Variants in DEGS2 observed in about 807,000 individuals in gnomAD.
DEGS2 encodes delta 4-desaturase, sphingolipid 2.
Under a neutral mutation model 23.8 loss-of-function variants are expected in DEGS2, and 19 were observed. That is an observed-to-expected ratio of 0.80 (90% CI 0.56 to 1.17). The LOEUF (loss-of-function observed/expected upper bound fraction) is 1.17. Among genes scored for constraint, DEGS2 ranks in the 50% most tolerant of loss-of-function variants. The pLI, the probability that DEGS2 is intolerant of heterozygous loss-of-function variation, is 0.00. For synonymous variants in DEGS2, 218 were observed against 213.7 expected, an observed-to-expected ratio of 1.02 and a Z score of -0.18; for missense variants, 390 against 459.5, an observed-to-expected ratio of 0.85 and a Z score of 1.38.
At chr14:100,150,927 T>C (rs1414172896) in intron 1 of DEGS2, among the ~76,000 whole-genome samples, 3 of 152,172 alleles carry the variant, frequency 2.0e-5, no homozygotes, top group Non-Finnish European at 4.4e-5. Flanking sequence ...ATGGGTGTGC[T>C]GGGGCCTCCG....
intron 1 of DEGS2, among the ~76,000 whole-genome samples, chr14:100,158,042 G>A (rs1448699358): frequency 2.2e-5 from 3 of 139,088 alleles, no homozygotes; most frequent in Admixed American, 7.8e-5. Flanking sequence ...AGTGGAGATC[G>A]CATCACTGCA....
chr14:100,158,365 C>T (rs1566743553), intron 1 of DEGS2, among the ~76,000 whole-genome samples: 1 of 151,786 alleles, frequency 6.6e-6, no homozygotes, highest in Non-Finnish European at 1.5e-5. Context: ...GAGCTAAGAT[C>T]GCGCCTAGCC....
At chr14:100,153,115 G>A (rs917734349) in intron 1 of DEGS2, among the ~76,000 whole-genome samples, 11 of 152,076 alleles carry the variant, frequency 7.2e-5, no homozygotes, top group Middle Eastern at 3.2e-3. Flanking sequence ...AATCAGCCAG[G>A]TGTGGTGGTG....
In DEGS2 at chr14:100,146,939, G is replaced by A. The variant is rs779891144; in HGVS notation, c.826-32C>T. 2.5e-6 allele frequency: 4 copies of A among 1,600,174 alleles called. No individual in the cohort carries two copies. In the South Asian group the frequency reaches 3.4e-5, roughly 13 times the overall value. Reference sequence around the variant, plus strand: ...AGAGGAGGGCGGGGCTCAGGGGCTGGTTCTCCTCGGGGCCGCACCCGCGAG... The same window carrying A: ...AGAGGAGGGCGGGGCTCAGGGGCTGATTCTCCTCGGGGCCGCACCCGCGAG... On this transcript the variant is annotated intron_variant, in intron 2 of 2. Transcript: ENST00000305631.
chr14:100,147,045 CCACA>C, intron 2 of DEGS2, 138 bp from the exon 3 acceptor site: 6 of 951,500 alleles, frequency 6.3e-6, no homozygotes, highest in Non-Finnish European at 9.3e-6. Flanking sequence ...GCGCGCACAC[CCACA>C]CACACACATG....
At chr14:100,154,355 C>CA (rs5810980) in intron 1 of DEGS2, among the ~76,000 whole-genome samples, 14 of 138,192 alleles carry the variant, frequency 1.0e-4, no homozygotes, top group Non-Finnish European at 1.6e-4. Context: ...CAAAGCGTCT[C>CA]AAAAAAAAAA....
chr14:100,148,168 C>T (rs1889487846), intron 2 of DEGS2, among the ~76,000 whole-genome samples: 1 of 152,230 alleles, frequency 6.6e-6, no homozygotes, highest in African/African-American at 2.4e-5. Context: ...CATAACCACA[C>T]ACAGATGCGT....
At position 100,144,658 on chromosome 14, in the gene DEGS2, T is replaced by TG. The variant is rs1292353062; in HGVS notation, c.*2102dup. On this transcript the variant is annotated 3_prime_UTR_variant, in exon 3 of 3. Coordinates refer to ENST00000305631, the MANE Select transcript of DEGS2 (RefSeq NM_206918.3). Reference sequence around the variant, plus strand: ...CCTGGGAGGACCACCTGGCCTGCAATGGGCTGTCCCAGGCCCCTGCCCTGA... The same window carrying TG: ...CCTGGGAGGACCACCTGGCCTGCAATGGGGCTGTCCCAGGCCCCTGCCCTGA... 6.6e-6 allele frequency: 1 copy of TG among 152,298 alleles called. No homozygotes were observed. The highest frequency in any genetic ancestry group is 1.5e-5 in the Non-Finnish European group (1 of 68,090). 9.4% of individuals were successfully genotyped at this position (152,298 alleles called of 1,614,324 possible). A position where few individuals can be genotyped will look rare whatever the true frequency, so the allele number is the denominator to read the frequency against.
upstream of DEGS2, among the ~76,000 whole-genome samples, chr14:100,163,625 T>G (rs1271822000): frequency 6.6e-6 from 1 of 152,150 alleles, no homozygotes; most frequent in Non-Finnish European, 1.5e-5. Flanking sequence ...ATAGAAGTCA[T>G]CCCACTGAAA....
the DEGS2 span, among the ~76,000 whole-genome samples, chr14:100,166,378 G>GGGAGCCTGCCCGGGGCTGTGGA: frequency 5.7e-5 from 8 of 140,388 alleles, no homozygotes; most frequent in Non-Finnish European, 9.3e-5. Flanking sequence ...GGGGCTGTGG[G>GGGAGCCTGCCCGGGGCTGTGGA]GGAGGCTGCT....
chr14:100,151,424 G>A (rs751270339), intron 1 of DEGS2, among the ~76,000 whole-genome samples: 18 of 152,222 alleles, frequency 1.2e-4, no homozygotes, highest in Non-Finnish European at 1.6e-4. Context: ...GGGCAGCACA[G>A]GGCGCGACTC....
At chr14:100,152,125 G>A (rs960480026) in intron 1 of DEGS2, among the ~76,000 whole-genome samples, 6 of 152,172 alleles carry the variant, frequency 3.9e-5, no homozygotes, top group Non-Finnish European at 7.3e-5. Context: ...AGGTCATGGT[G>A]TCTCAGCAGG....
chr14:100,153,561 G>A (rs1472760699), intron 1 of DEGS2, among the ~76,000 whole-genome samples: 1 of 152,152 alleles, frequency 6.6e-6, no homozygotes, highest in African/African-American at 2.4e-5. Flanking sequence ...GGCCTGCATG[G>A]GCTCTGGCTA....
In DEGS2 at chr14:100,158,960, CTT is replaced by C. The variant is rs569040992; in HGVS notation, c.82+544_82+545del. Among the ~76,000 whole-genome samples, 19 of 152,374 alleles carry C rather than the reference CTT, an allele frequency of 1.2e-4. No homozygotes were observed. The East Asian group carries it at 3.3e-3, about 26-fold the overall frequency. ...GAATAGAAGGATTCTTTAGTACAAT[CTT>C]TGCTTTTTTCAAAGAAAACACGCGC... On this transcript the variant is annotated intron_variant, in intron 1 of 2. Coordinates refer to ENST00000305631, the MANE Select transcript of DEGS2 (RefSeq NM_206918.3).
chr14:100,166,715 A>G, the DEGS2 span, among the ~76,000 whole-genome samples: 1 of 152,158 alleles, frequency 6.6e-6, no homozygotes. Context: ...CAGGGCCATG[A>G]GGGGTCAGCA....
upstream of DEGS2, among the ~76,000 whole-genome samples, chr14:100,164,184 C>T (rs1179388497): frequency 7.9e-5 from 12 of 151,948 alleles, no homozygotes; most frequent in East Asian, 1.4e-3. Flanking sequence ...CTTCCTGCCT[C>T]GGCCTCCCAA....
chr14:100,148,113 G>A (rs1394446218), intron 2 of DEGS2, among the ~76,000 whole-genome samples: 2 of 152,150 alleles, frequency 1.3e-5, no homozygotes, highest in African/African-American at 4.8e-5. Context: ...CAGTGCACAC[G>A]CATACAGGGA....
At chr14:100,161,974 C>T (rs903787527), upstream of DEGS2, among the ~76,000 whole-genome samples, 1 of 151,168 alleles carries the variant, frequency 6.6e-6, no homozygotes, top group African/African-American at 2.4e-5. Context: ...ATTGCTTGAA[C>T]CTGGGAGGCA....
At chr14:100,153,188 C>T (rs1302740353) in intron 1 of DEGS2, among the ~76,000 whole-genome samples, 3 of 151,976 alleles carry the variant, frequency 2.0e-5, no homozygotes, top group Non-Finnish European at 4.4e-5. Flanking sequence ...CCCAGGAGTT[C>T]GGGGCTGCAG....
Sources: allele counts gnomAD v4.1 joint callset (sites outside exome capture counted in the v4.1 genomes callset), GRCh38; gene constraint gnomAD v4.1.1; transcripts MANE v1.5; gene names NCBI Gene and HGNC (gene_info 2026-07-23, HGNC 2026-07-21).